The following GUCY1A1 variants were observed in gnomAD, a reference collection of about 807,000 sequenced individuals.
GUCY1A1 encodes the protein guanylate cyclase soluble subunit alpha-1.
GUCY1A1 carries 48 observed loss-of-function variants against 64.5 expected under a neutral mutation model. The observed-to-expected ratio is 0.74, with a 90% CI of 0.59 to 0.95. The LOEUF (loss-of-function observed/expected upper bound fraction) is 0.95, where lower values mean the gene tolerates loss of function less well. GUCY1A1 is among the 40% of genes least tolerant of loss of function. GUCY1A1 has a pLI of 0.00. For missense variants in GUCY1A1, 804 were observed against 825.3 expected (o/e 0.97, Z 0.32); for synonymous variants, 308 against 303.4 (o/e 1.02, Z -0.16).
At position 155,734,689 on chromosome 4, in the gene GUCY1A1, T is replaced by C. The variant is rs2110852877; in HGVS notation, c.*4458T>C. ...GATTCCTGTGAGGAGGGACTTACCG[T>C]CTCCTCCAAAACAGAAATTCAGTGC... On this transcript the variant is annotated 3_prime_UTR_variant, in exon 10 of 10. Transcript: ENST00000506455. 1 of 151,926 alleles carries C rather than the reference T, an allele frequency of 6.6e-6. No homozygotes were observed. The highest frequency in any genetic ancestry group is 2.0e-4 in the East Asian group (1 of 5,124). The allele number at this position is 151,926 out of a possible 1,614,324, so 9.4% of individuals were successfully genotyped here. A position where few individuals can be genotyped will look rare whatever the true frequency, so the allele number is the denominator to read the frequency against.
rs1353319859 is a variant in GUCY1A1 at position 155,737,024 on chromosome 4, A to G, written c.*6793A>G. On this transcript the variant is annotated 3_prime_UTR_variant, in exon 10 of 10. Coordinates refer to ENST00000506455, the MANE Select transcript of GUCY1A1 (RefSeq NM_001130682.3). ...ATTGTGCCACCTAAATATTGTAATA[A>G]AAGTGTTTAAATAAAAATCTTCTTA... 4 of 152,046 alleles carry G rather than the reference A, an allele frequency of 2.6e-5. No individual in the cohort carries two copies. The highest frequency in any genetic ancestry group is 5.9e-5 in the Non-Finnish European group (4 of 67,962). The allele number at this position is 152,046 out of a possible 1,614,324, so 9.4% of individuals were successfully genotyped here.
At chr4:155,698,494 A>G (rs1403967484) in intron 3 of GUCY1A1, among the ~76,000 whole-genome samples, 1 of 152,192 alleles carries the variant, frequency 6.6e-6, no homozygotes, top group Admixed American at 6.5e-5. Flanking sequence ...ACCAAAGGTG[A>G]TGATGAGGAA....
intron 3 of GUCY1A1, among the ~76,000 whole-genome samples, chr4:155,698,307 T>C (rs1730670483): frequency 6.6e-6 from 1 of 152,222 alleles, no homozygotes; most frequent in South Asian, 2.1e-4. Context: ...AATAGTACTT[T>C]GGCAGATAAC....
intron 6 of GUCY1A1, among the ~76,000 whole-genome samples, chr4:155,712,035 G>A (rs903396601): frequency 1.3e-5 from 2 of 152,210 alleles, no homozygotes; most frequent in African/African-American, 2.4e-5. Flanking sequence ...CTTTTATCAT[G>A]AAACAGTGTA....
At chr4:155,713,842 G>T (rs1732903471) in intron 7 of GUCY1A1, among the ~76,000 whole-genome samples, 1 of 152,156 alleles carries the variant, frequency 6.6e-6, no homozygotes, top group Non-Finnish European at 1.5e-5. Flanking sequence ...AGAGAATGGA[G>T]GGAGGATAGG....
rs988089382 is a variant in GUCY1A1 at position 155,696,828 on chromosome 4, A to C, written c.-40A>C. On this transcript the variant is annotated 5_prime_UTR_variant, in exon 3 of 10. Transcript: ENST00000506455. ...CAGTCTCATATAAGAACTACAGCTC[A>C]TCAGGAGGAGATCGCAGCAGGGTAA... 2.6e-5 allele frequency: 41 copies of C among 1,600,702 alleles called. No individual in the cohort carries two copies. The highest frequency in any genetic ancestry group is 3.3e-5 in the Non-Finnish European group (39 of 1,169,108).
chr4:155,697,478 A>G (rs1309761373), intron 3 of GUCY1A1, among the ~76,000 whole-genome samples: 1 of 152,234 alleles, frequency 6.6e-6, no homozygotes, highest in Non-Finnish European at 1.5e-5. Flanking sequence ...GAAACCATCC[A>G]TAGCTCTTGC....
At chr4:155,698,138 G>T (rs762248307) in intron 3 of GUCY1A1, among the ~76,000 whole-genome samples, 1 of 152,184 alleles carries the variant, frequency 6.6e-6, no homozygotes, top group Non-Finnish European at 1.5e-5. Context: ...TCAGTGACTT[G>T]ACCAAAATTA....
chr4:155,675,651 C>T (rs760089409), intron 2 of GUCY1A1, among the ~76,000 whole-genome samples: 2 of 151,612 alleles, frequency 1.3e-5, no homozygotes, highest in Non-Finnish European at 2.9e-5. Flanking sequence ...TTCTGTGTCA[C>T]TGGCTCAGAA....
intron 4 of GUCY1A1, among the ~76,000 whole-genome samples, chr4:155,707,357 T>C (rs902555344): frequency 1.3e-5 from 2 of 152,196 alleles, no homozygotes; most frequent in African/African-American, 4.8e-5. Context: ...TTGCCTACCT[T>C]ACATGTCCTC....
chr4:155,725,891 A>T (rs900868166), intron 9 of GUCY1A1, among the ~76,000 whole-genome samples: 1 of 152,042 alleles, frequency 6.6e-6, no homozygotes, highest in African/African-American at 2.4e-5. Context: ...TTTTAAATAA[A>T]TTTTTTATTA....
chr4:155,722,361 T>A (rs1241855003), intron 9 of GUCY1A1, 169 bp downstream of exon 9: 3 of 1,418,160 alleles, frequency 2.1e-6, no homozygotes, highest in Admixed American at 3.0e-5. Flanking sequence ...ACACTGCTTA[T>A]TAGCCTCCTA....
chr4:155,713,507 C>T lies in GUCY1A1; in HGVS notation c.1496C>T (p.Pro499Leu), dbSNP rs773825636. The T allele has an allele frequency of 2.5e-6, 4 of 1,613,934 alleles. No individual in the cohort carries two copies. The highest frequency in any genetic ancestry group is 2.5e-6 in the Non-Finnish European group (3 of 1,179,944). ...ACTGCCATCTGCTCCCAGTGCTCAC[C>T]GCTGCAGGTCATCACCATGCTCAAT... Reference protein sequence around the residue: ...GFTAICSQCSPLQVITMLNAL... With the variant: ...GFTAICSQCSLLQVITMLNAL... The change falls in exon 7 of 10, where the codon CCG becomes CTG. Residue 499 changes from proline (P) to leucine (L), a missense_variant. Coordinates refer to ENST00000506455, the MANE Select transcript of GUCY1A1 (RefSeq NM_001130682.3).
chr4:155,701,044 G>A (rs781357383), intron 3 of GUCY1A1, among the ~76,000 whole-genome samples: 1 of 152,106 alleles, frequency 6.6e-6, no homozygotes, highest in Non-Finnish European at 1.5e-5. Context: ...TAATTTTATT[G>A]TGGACTCATA....
rs143996260 is a variant in GUCY1A1 at position 155,696,948 on chromosome 4, C to T, written c.81C>T (p.Asn27=). The change falls in exon 3 of 10, where the codon AAC becomes AAT. Residue 27 remains asparagine, a synonymous_variant. Coordinates refer to ENST00000506455, the MANE Select transcript of GUCY1A1 (RefSeq NM_001130682.3). ...FSLLAPGQVP[N]ESSEEAAGSS... is the part of the protein sequence containing the mutation. ...TACTGGCACCAGGTCAAGTTCCTAA[C>T]GAGTCTTCAGAGGAGGCAGCAGGAA... 23 of 1,613,048 alleles carry T rather than the reference C, an allele frequency of 1.4e-5. No individual in the cohort carries two copies. The highest frequency in any genetic ancestry group is 4.5e-5 in the East Asian group (2 of 44,866).
intron 9 of GUCY1A1, among the ~76,000 whole-genome samples, chr4:155,725,580 TA>T (rs764482917): frequency 4.9e-4 from 75 of 152,236 alleles, no homozygotes; most frequent in Admixed American, 1.4e-3. Flanking sequence ...ATAAAAAGCA[TA>T]TTTTCCTTTT....
At chr4:155,669,559 CTTATAA>C (rs1233228572) in intron 2 of GUCY1A1, among the ~76,000 whole-genome samples, 2 of 151,948 alleles carry the variant, frequency 1.3e-5, no homozygotes, top group Non-Finnish European at 2.9e-5. Flanking sequence ...ACTTATAACT[CTTATAA>C]TTATGTCTTA....
rs540865553 is a variant in GUCY1A1, at chr4:155,730,580, T to A, written c.*349T>A. 22 of 164,378 alleles carry A rather than the reference T, an allele frequency of 1.3e-4. No homozygotes were observed. Among genetic ancestry groups the A allele is most frequent in the African/African-American group, 5.0e-4 (21 of 41,894 alleles). 10.2% of individuals were successfully genotyped at this position (164,378 alleles called of 1,614,324 possible). The stretch of plus-strand genomic sequence containing the variant: ...AGTCACCTGCAATCTCATATCCTGG[T>A]GGAATGCCATGGTTATTAAAGTGTG... On this transcript the variant is annotated 3_prime_UTR_variant, in exon 10 of 10. Transcript: ENST00000506455.
At chr4:155,687,509 T>C (rs1439433378) in intron 2 of GUCY1A1, among the ~76,000 whole-genome samples, 1 of 152,216 alleles carries the variant, frequency 6.6e-6, no homozygotes, top group African/African-American at 2.4e-5. Context: ...TTCATGAAGT[T>C]ATGAAACTTG....
Sources: gnomAD v4.1 joint callset for allele counts (sites outside exome capture counted in the v4.1 genomes callset) on GRCh38, gnomAD v4.1.1 for gene constraint, MANE v1.5 for transcripts, NCBI Gene and HGNC (gene_info 2026-07-23, HGNC 2026-07-21) for gene names.